The following RFX7 variants were observed in gnomAD, a reference collection of about 807,000 sequenced individuals.
RFX7 encodes the protein regulatory factor X7.
Under a neutral mutation model 111.8 loss-of-function variants are expected in RFX7, and 26 were observed. The ratio of observed to expected loss-of-function variants is 0.23; its 90% CI spans 0.17 to 0.32. The LOEUF is 0.32. Among genes scored for constraint, RFX7 ranks in the 10% least tolerant of loss-of-function variants. The pLI is 1.00. For missense variants in RFX7, 1,573 were observed against 1,772.9 expected (o/e 0.89, Z 2.02); for synonymous variants, 624 against 624.4 (o/e 1.00, Z 0.01).
chr15:56,167,850 CTG>C (rs768511524), intron 3 of RFX7, among the ~76,000 whole-genome samples: 10 of 152,160 alleles, frequency 6.6e-5, no homozygotes, highest in African/African-American at 9.7e-5. Flanking sequence ...AGTGAGCACA[CTG>C]TAAGTTTTTA....
Position 56,214,904 on chromosome 15 carries a change from G to A in RFX7, c.161+28221C>T, listed in dbSNP as rs537488379. ...GATTGAGTTTTCCATGTAGACTAAC[G>A]TATGGTAAGTTAGCTTCTAATTATT... is the stretch of plus-strand genomic sequence containing the variant. On this transcript the variant is annotated intron_variant, in intron 2 of 9. Transcript: ENST00000559447. 1.5e-3 allele frequency among the ~76,000 whole-genome samples: 215 copies of A among 139,066 alleles called. 1 individual carries two copies. Among genetic ancestry groups the A allele is most frequent in the Admixed American group, 4.7e-3 (67 of 14,212 alleles). 91.2% of individuals were successfully genotyped at this position (139,066 alleles called of 152,430 possible).
At chr15:56,163,567 CAT>C (rs1177433230) in intron 3 of RFX7, among the ~76,000 whole-genome samples, 1 of 152,066 alleles carries the variant, frequency 6.6e-6, no homozygotes, top group African/African-American at 2.4e-5. Flanking sequence ...AAAAGTAAAA[CAT>C]ATGTTACATG....
At chr15:56,199,359 T>C (rs561232133) in intron 2 of RFX7, among the ~76,000 whole-genome samples, 3 of 152,316 alleles carry the variant, frequency 2.0e-5, no homozygotes, top group Non-Finnish European at 4.4e-5. Context: ...CCTTACGTGA[T>C]TGCTGGTTGC....
chr15:56,128,285 T>C (rs1255290562), intron 5 of RFX7, among the ~76,000 whole-genome samples: 1 of 152,118 alleles, frequency 6.6e-6, no homozygotes, highest in African/African-American at 2.4e-5. Context: ...AAAAGCATTC[T>C]GAGAATGAAA....
intron 5 of RFX7, among the ~76,000 whole-genome samples, chr15:56,104,990 T>C (rs774880501): frequency 1.1e-4 from 16 of 152,142 alleles, no homozygotes; most frequent in Admixed American, 2.0e-4. Flanking sequence ...AGTGAAGAGG[T>C]AACTATTTTG....
intron 5 of RFX7, among the ~76,000 whole-genome samples, chr15:56,117,739 T>G (rs752707876): frequency 2.6e-5 from 4 of 152,154 alleles, no homozygotes; most frequent in Non-Finnish European, 5.9e-5. Flanking sequence ...TAACTTTCTA[T>G]TCCCAGTTTA....
intron 3 of RFX7, among the ~76,000 whole-genome samples, chr15:56,150,306 C>G (rs902673691): frequency 1.2e-4 from 18 of 152,146 alleles, no homozygotes; most frequent in African/African-American, 4.1e-4. Flanking sequence ...CGTTCCAGCT[C>G]TGCTAAGGCT....
chr15:56,109,731 G>C (rs1356140928), intron 5 of RFX7, among the ~76,000 whole-genome samples: 1 of 150,964 alleles, frequency 6.6e-6, no homozygotes, highest in East Asian at 2.0e-4. Context: ...GTCTCTGCCC[G>C]GCCGCCCCGT....
At chr15:56,216,904 T>C (rs2043368012) in intron 2 of RFX7, among the ~76,000 whole-genome samples, 2 of 152,142 alleles carry the variant, frequency 1.3e-5, no homozygotes, top group African/African-American at 4.8e-5. Flanking sequence ...GATCCTCCTG[T>C]CAGCCTATAG....
Position 56,102,022 on chromosome 15 carries a change from A to G in RFX7, c.603+147T>C, listed in dbSNP as rs1411972875. 9.5e-6 allele frequency: 6 copies of G among 634,036 alleles called. No individual in the cohort carries two copies. In the South Asian group the frequency reaches 1.1e-4, roughly 11 times the overall value. 39.3% of individuals were successfully genotyped at this position (634,036 alleles called of 1,614,324 possible). A position where few individuals can be genotyped will look rare whatever the true frequency, so the allele number is the denominator to read the frequency against. ...GTTGACGTAGGTCATATACACTAAC[A>G]TTTTTCAGCCACTGTGTGATTTTTT... On this transcript the variant is annotated intron_variant, in intron 7 of 9. Transcript: ENST00000559447.
chr15:56,207,464 A>G (rs1404504939), intron 2 of RFX7, among the ~76,000 whole-genome samples: 2 of 152,206 alleles, frequency 1.3e-5, no homozygotes, highest in Non-Finnish European at 2.9e-5. Context: ...ATTAAAACAA[A>G]TTTTTAAAAA....
chr15:56,154,592 A>C (rs1435296061), intron 3 of RFX7, among the ~76,000 whole-genome samples: 1 of 152,216 alleles, frequency 6.6e-6, no homozygotes, highest in Non-Finnish European at 1.5e-5. Flanking sequence ...AGAAAGCTGA[A>C]ACTGGATCCC....
At chr15:56,119,268 A>G (rs1479805723) in intron 5 of RFX7, among the ~76,000 whole-genome samples, 1 of 152,166 alleles carries the variant, frequency 6.6e-6, no homozygotes, top group East Asian at 1.9e-4. Context: ...TGCACAGTGC[A>G]ATGTCCTGGA....
At chr15:56,205,174 A>G (rs780072457) in intron 2 of RFX7, among the ~76,000 whole-genome samples, 5 of 152,320 alleles carry the variant, frequency 3.3e-5, no homozygotes, top group Non-Finnish European at 5.9e-5. Flanking sequence ...ACCAAAGGAG[A>G]GAGAACATAA....
intron 5 of RFX7, among the ~76,000 whole-genome samples, chr15:56,112,379 C>CAAAAAAAAAAAAAAAAAAAAAGAAAAAA (rs2041950440): frequency 4.5e-4 from 32 of 71,752 alleles, no homozygotes; most frequent in East Asian, 2.1e-3. Context: ...GAGTACAAAT[C>CAAAAAAAAAAAAAAAAAAAAAGAAAAAA]AAAAAAAAAA....
Position 56,103,651 on chromosome 15 carries a change from C to T in RFX7, c.421G>A (p.Gly141Ser). 6.3e-7 allele frequency: 1 copy of T among 1,594,556 alleles called. No homozygotes were observed. Among genetic ancestry groups the T allele is most frequent in the South Asian group, 1.1e-5 (1 of 87,452 alleles). ...TCAGCAGCACTTAATGGATGGTAAC[C>T]AAGATTGTCACAATAGCTCCTGCAA... ...DEYKSYCDNL[G>S]YHPLSAADFG... Residue 141 changes from glycine to serine, a missense_variant, in exon 6 of 10, where the codon GGT becomes AGT. Coordinates refer to ENST00000559447, the MANE Select transcript of RFX7 (RefSeq NM_022841.7).
Position 56,147,687 on chromosome 15 carries a change from A to T in RFX7, c.196-3204T>A, listed in dbSNP as rs111880180. Among the ~76,000 whole-genome samples the T allele has an allele frequency of 3.9e-3, 593 of 151,744 alleles. 4 individuals carry two copies. Among genetic ancestry groups the T allele is most frequent in the African/African-American group, 0.014 (568 of 41,330 alleles). On this transcript the variant is annotated intron_variant, in intron 3 of 9. Coordinates refer to ENST00000559447, the MANE Select transcript of RFX7 (RefSeq NM_022841.7). The stretch of plus-strand genomic sequence containing the variant: ...CCCCCGGGTTCACACCATTCTCCTG[A>T]CTCAGCCTTCCGAGCAGCTGGGACT...
At chr15:56,203,097 A>T (rs2043210724) in intron 2 of RFX7, among the ~76,000 whole-genome samples, 1 of 152,232 alleles carries the variant, frequency 6.6e-6, no homozygotes, top group South Asian at 2.1e-4. Context: ...ACAGGCACAG[A>T]TCATAAGGCA....
chr15:56,174,327 T>A (rs996829797), intron 3 of RFX7, among the ~76,000 whole-genome samples: 3 of 151,692 alleles, frequency 2.0e-5, no homozygotes, highest in African/African-American at 4.9e-5. Flanking sequence ...AAATATAAGA[T>A]CTAGAAGAGA....
Sources: gnomAD v4.1 joint callset for allele counts (sites outside exome capture counted in the v4.1 genomes callset) on GRCh38, gnomAD v4.1.1 for gene constraint, MANE v1.5 for transcripts, NCBI Gene and HGNC (gene_info 2026-07-23, HGNC 2026-07-21) for gene names.